Variants in TTC7A observed in about 807,000 individuals in gnomAD.
TTC7A encodes the protein tetratricopeptide repeat protein 7A.
TTC7A carries 110 observed loss-of-function variants against 103.7 expected under a neutral mutation model. The observed-to-expected ratio is 1.06, with a 90% CI of 0.91 to 1.24. The LOEUF (loss-of-function observed/expected upper bound fraction) is 1.24. Ranked by LOEUF, TTC7A falls within the 50% of genes most tolerant of loss-of-function variation. TTC7A has a pLI of 0.00. For missense variants in TTC7A, 1,340 were observed against 1,116.3 expected, an observed-to-expected ratio of 1.20 and a Z score of -2.86; for synonymous variants, 521 against 467.9, an observed-to-expected ratio of 1.11 and a Z score of -1.47.
chr2:46,972,267 C>A (rs1243522285), intron 3 of TTC7A, among the ~76,000 whole-genome samples: 3 of 151,082 alleles, frequency 2.0e-5, no homozygotes, highest in African/African-American at 7.3e-5. Context: ...GTAAGGCTAA[C>A]AATGCTATAT....
intron 2 of TTC7A, among the ~76,000 whole-genome samples, chr2:46,919,452 G>A (rs904531482): frequency 6.6e-6 from 1 of 152,242 alleles, no homozygotes; most frequent in Non-Finnish European, 1.5e-5. Flanking sequence ...AGAATTGCTT[G>A]AACCCGGGCA....
intron 11 of TTC7A, among the ~76,000 whole-genome samples, chr2:47,015,532 G>GT (rs1465265950): frequency 1.3e-5 from 2 of 152,202 alleles, no homozygotes; most frequent in Admixed American, 1.3e-4. Context: ...TACTAGCTGT[G>GT]TGACTTTGAG....
At chr2:47,066,418 C>G (rs1684185693) in intron 19 of TTC7A, among the ~76,000 whole-genome samples, 1 of 152,176 alleles carries the variant, frequency 6.6e-6, no homozygotes, top group South Asian at 2.1e-4. Flanking sequence ...AGGGCCAGAG[C>G]TCTGCCCATC....
At chr2:47,049,284 C>T (rs191431871) in intron 16 of TTC7A, among the ~76,000 whole-genome samples, 1 of 152,084 alleles carries the variant, frequency 6.6e-6, no homozygotes, top group Admixed American at 6.5e-5. Context: ...ATGGCCACGG[C>T]GGGCTTAAGC....
chr2:46,945,626 A>G (rs1361318254), intron 1 of TTC7A, among the ~76,000 whole-genome samples: 1 of 152,090 alleles, frequency 6.6e-6, no homozygotes, highest in African/African-American at 2.4e-5. Context: ...CCTAGACTCA[A>G]GCAATCTTCC....
chr2:47,063,427 G>C (rs1434858923), intron 19 of TTC7A, among the ~76,000 whole-genome samples: 3 of 152,208 alleles, frequency 2.0e-5, no homozygotes, highest in East Asian at 1.9e-4. Context: ...ACTGAGCAAA[G>C]ATGTGATCTT....
At chr2:46,972,085 C>A (rs566016109) in intron 3 of TTC7A, among the ~76,000 whole-genome samples, 1 of 152,058 alleles carries the variant, frequency 6.6e-6, no homozygotes, top group Admixed American at 6.6e-5. Flanking sequence ...AAAGCTGGAT[C>A]TAGGTACTCC....
rs746331052 is a variant in TTC7A, at chr2:47,021,934, G to C, written c.1465G>C (p.Gly489Arg). The C allele has an allele frequency of 6.2e-7, 1 of 1,614,106 alleles. No individual in the cohort carries two copies. The highest frequency in any genetic ancestry group is 1.1e-5 in the South Asian group (1 of 91,086). ...GGAAGCCGGGGAGTTCCTCCCCAAG[G>C]GCTACCTGGCTCTGGGTCTCACCTA... is the stretch of plus-strand genomic sequence containing the variant. ...GEEAGEFLPK[G>R]YLALGLTYSL... The change falls in exon 12 of 20, where the codon GGC (glycine) becomes CGC (arginine). Residue 489 changes from glycine to arginine, a missense_variant. Coordinates refer to ENST00000319190, the MANE Select transcript of TTC7A (RefSeq NM_020458.4).
intron 3 of TTC7A, among the ~76,000 whole-genome samples, chr2:46,967,884 G>A (rs1020456509): frequency 6.6e-6 from 1 of 151,976 alleles, no homozygotes; most frequent in African/African-American, 2.4e-5. Flanking sequence ...GTTTCCCCCC[G>A]AGAGCTGAAT....
At chr2:46,988,374 C>T (rs1225663123) in intron 5 of TTC7A, among the ~76,000 whole-genome samples, 2 of 152,204 alleles carry the variant, frequency 1.3e-5, no homozygotes, top group Admixed American at 6.5e-5. Context: ...TTGAACTTCA[C>T]CTGACCTTGT....
At chr2:47,006,512 G>A (rs1677411042) in intron 9 of TTC7A, 129 bp from the exon 10 acceptor site, 1 of 785,140 alleles carries the variant, frequency 1.3e-6, no homozygotes, top group Non-Finnish European at 2.2e-6. Flanking sequence ...GTGTCTCCCA[G>A]GAGCCAAGTG....
intron 18 of TTC7A, among the ~76,000 whole-genome samples, chr2:47,052,423 G>T (rs1374660269): frequency 2.6e-5 from 4 of 152,222 alleles, no homozygotes; most frequent in Non-Finnish European, 5.9e-5. Flanking sequence ...CAGCTGGCTA[G>T]CCCTGATCTG....
intron 18 of TTC7A, among the ~76,000 whole-genome samples, chr2:47,056,418 G>A (rs2436772): frequency 0.18 from 27,871 of 152,198 alleles, 2,618 homozygotes; most frequent in Middle Eastern, 0.21. Flanking sequence ...ACACTCACCT[G>A]GAGAAGCCCT....
chr2:46,986,398 C>T (rs1210013872), intron 5 of TTC7A, among the ~76,000 whole-genome samples: 1 of 152,178 alleles, frequency 6.6e-6, no homozygotes, highest in Non-Finnish European at 1.5e-5. Flanking sequence ...GGCCAGATGC[C>T]CCGCCCTCAC....
chr2:47,026,976 C>G lies in TTC7A; in HGVS notation c.1642-2248C>G, dbSNP rs140261182. 3.7e-3 allele frequency among the ~76,000 whole-genome samples: 570 copies of G among 152,274 alleles called. 9 individuals are homozygous for G. The highest frequency in any genetic ancestry group is 0.013 in the African/African-American group (549 of 41,528). ...ACACATCAGATTCTTTCCACATCAC[C>G]GCGTGAACATGTTCAGAGGGGAGGG... On this transcript the variant is annotated intron_variant, in intron 14 of 19. Transcript: ENST00000319190.
chr2:47,024,794 C>T (rs1342631901), intron 14 of TTC7A, among the ~76,000 whole-genome samples: 1 of 152,154 alleles, frequency 6.6e-6, no homozygotes. Flanking sequence ...ACCATCAGGC[C>T]TTGGCTTCTG....
chr2:47,038,178 G>C (rs370226679), intron 15 of TTC7A, among the ~76,000 whole-genome samples: 49 of 151,030 alleles, frequency 3.2e-4, no homozygotes, highest in South Asian at 1.2e-3. Flanking sequence ...AGAATCGCTT[G>C]AACCCAGGAG....
chr2:46,938,267 A>G (rs1484446301), upstream of TTC7A, among the ~76,000 whole-genome samples: 1 of 152,252 alleles, frequency 6.6e-6, no homozygotes, highest in Non-Finnish European at 1.5e-5. Flanking sequence ...TCTAAAACGT[A>G]AAGGACAACC....
At chr2:46,979,780 GTTTC>G (rs2104277246) in intron 5 of TTC7A, among the ~76,000 whole-genome samples, 1 of 152,316 alleles carries the variant, frequency 6.6e-6, no homozygotes, top group East Asian at 1.9e-4. Flanking sequence ...GGGAGCTGAG[GTTTC>G]CTGCCTGTCT....
Sources: allele counts gnomAD v4.1 joint callset (sites outside exome capture counted in the v4.1 genomes callset), GRCh38; gene constraint gnomAD v4.1.1; transcripts MANE v1.5; gene names NCBI Gene and HGNC (gene_info 2026-07-23, HGNC 2026-07-21).